Variants in FAM193A observed in about 807,000 individuals in gnomAD.
FAM193A encodes family with sequence similarity 193 member A.
FAM193A carries 22 observed loss-of-function variants against 126.5 expected under a neutral mutation model. That is an observed-to-expected ratio of 0.17 (90% CI 0.12 to 0.25). The LOEUF (loss-of-function observed/expected upper bound fraction) is 0.25, where lower values mean the gene tolerates loss of function less well. FAM193A is among the 10% of genes least tolerant of loss of function. The pLI, the probability that FAM193A is intolerant of heterozygous loss-of-function variation, is 1.00. For synonymous variants in FAM193A, 761 were observed against 646.8 expected, an observed-to-expected ratio of 1.18 and a Z score of -2.68; for missense variants, 1,675 against 1,672.8, an observed-to-expected ratio of 1.00 and a Z score of -0.02.
chr4:2,590,463 CAAAAAA>C (rs774897240), intron 1 of FAM193A, among the ~76,000 whole-genome samples: 5 of 13,574 alleles, frequency 3.7e-4, no homozygotes, highest in African/African-American at 8.3e-4. Flanking sequence ...GACTCCATCT[CAAAAAA>C]AAAAAACAAA....
At chr4:2,593,933 T>C (rs1028704818) in intron 1 of FAM193A, among the ~76,000 whole-genome samples, 3 of 152,014 alleles carry the variant, frequency 2.0e-5, no homozygotes, top group Non-Finnish European at 4.4e-5. Context: ...AATACATGGA[T>C]TCTCATGGTA....
intron 2 of FAM193A, among the ~76,000 whole-genome samples, chr4:2,613,441 G>A (rs920116408): frequency 4.4e-5 from 6 of 134,892 alleles, no homozygotes; most frequent in Non-Finnish European, 7.9e-5. Context: ...TTAGTTCTAT[G>A]GGCCTTTTGG....
chr4:2,646,065 A>G (rs1185125315), intron 6 of FAM193A, among the ~76,000 whole-genome samples: 1 of 145,034 alleles, frequency 6.9e-6, no homozygotes, highest in Non-Finnish European at 1.5e-5. Context: ...GCAATTCCAT[A>G]TTTGGTAAAC....
At chr4:2,570,620 C>G (rs943540703) in intron 1 of FAM193A, among the ~76,000 whole-genome samples, 1 of 152,150 alleles carries the variant, frequency 6.6e-6, no homozygotes, top group Non-Finnish European at 1.5e-5. Context: ...GAACTCATTT[C>G]TCCCCATCAT....
At chr4:2,598,376 T>G (rs1740992499) in intron 2 of FAM193A, among the ~76,000 whole-genome samples, 1 of 152,268 alleles carries the variant, frequency 6.6e-6, no homozygotes, top group South Asian at 2.1e-4. Flanking sequence ...GATGTTTGTG[T>G]TGTTCCCACG....
intron 13 of FAM193A, among the ~76,000 whole-genome samples, chr4:2,680,669 T>C (rs1409087453): frequency 1.3e-5 from 2 of 150,542 alleles, no homozygotes; most frequent in Non-Finnish European, 2.9e-5. Context: ...TGAGACGGAG[T>C]CTTGCTTTGT....
chr4:2,641,311 T>G (rs570979299), intron 6 of FAM193A, among the ~76,000 whole-genome samples: 48 of 151,728 alleles, frequency 3.2e-4, no homozygotes, highest in African/African-American at 1.1e-3. Flanking sequence ...CCTCCCAAAG[T>G]GCTAGGATTA....
chr4:2,632,998 C>T (rs1341516138), intron 5 of FAM193A, among the ~76,000 whole-genome samples: 2 of 152,224 alleles, frequency 1.3e-5, no homozygotes, highest in Admixed American at 6.5e-5. Flanking sequence ...GAGGTCTGCA[C>T]CTCCTCAGAT....
intron 20 of FAM193A, among the ~76,000 whole-genome samples, chr4:2,731,103 G>A (rs889867138): frequency 2.0e-5 from 3 of 150,736 alleles, no homozygotes; most frequent in Admixed American, 1.3e-4. Flanking sequence ...GGCTGAGGCA[G>A]GAGAATCACT....
intron 13 of FAM193A, among the ~76,000 whole-genome samples, chr4:2,684,650 C>G (rs1055395320): frequency 6.6e-6 from 1 of 152,200 alleles, no homozygotes; most frequent in Non-Finnish European, 1.5e-5. Context: ...GATGCGAGAG[C>G]TGCCTGAGAC....
intron 7 of FAM193A, among the ~76,000 whole-genome samples, chr4:2,647,086 C>CG: frequency 6.6e-6 from 1 of 152,328 alleles, no homozygotes; most frequent in African/African-American, 2.4e-5. Flanking sequence ...TTTTCCTTGG[C>CG]CTGGGCACAC....
intron 19 of FAM193A, among the ~76,000 whole-genome samples, chr4:2,703,673 G>T (rs1717986911): frequency 1.3e-5 from 2 of 149,160 alleles, no homozygotes; most frequent in African/African-American, 2.5e-5. Flanking sequence ...GGGTCAAAAG[G>T]TAAGTGTGTT....
intron 17 of FAM193A, 141 bp from the exon 18 acceptor site, chr4:2,696,222 G>T (rs1044499863): frequency 3.3e-6 from 2 of 614,442 alleles, no homozygotes; most frequent in Non-Finnish European, 5.5e-6. Flanking sequence ...CTCTTTTTCT[G>T]CTGGTTGTTG....
chr4:2,590,620 C>T (rs577528754), intron 1 of FAM193A, among the ~76,000 whole-genome samples: 11 of 151,804 alleles, frequency 7.2e-5, no homozygotes, highest in African/African-American at 2.7e-4. Flanking sequence ...ATTTACTGGG[C>T]GCCTACTGGT....
chr4:2,550,946 G>A (rs1291471608), intron 1 of FAM193A, among the ~76,000 whole-genome samples: 4 of 151,814 alleles, frequency 2.6e-5, no homozygotes, highest in African/African-American at 4.8e-5. Context: ...GACTGCAGGC[G>A]TCCGCCACCA....
intron 7 of FAM193A, among the ~76,000 whole-genome samples, chr4:2,647,784 G>C (rs1745297945): frequency 6.6e-6 from 1 of 152,196 alleles, no homozygotes; most frequent in African/African-American, 2.4e-5. Context: ...GTGAGCAAGG[G>C]TAAAGAAGGA....
intron 5 of FAM193A, among the ~76,000 whole-genome samples, chr4:2,633,400 C>A (rs1387842954): frequency 6.6e-6 from 1 of 151,148 alleles, no homozygotes; most frequent in African/African-American, 2.4e-5. Context: ...CTCTGTCTCA[C>A]ACACAAAACA....
At chr4:2,544,782 T>C (rs1271069503) in intron 1 of FAM193A, among the ~76,000 whole-genome samples, 1 of 151,972 alleles carries the variant, frequency 6.6e-6, no homozygotes, top group African/African-American at 2.4e-5. Flanking sequence ...GGCTAGAGAA[T>C]TGCTTGAGCT....
At chr4:2,608,255 T>C (rs1741659303) in intron 2 of FAM193A, 1 of 776,188 alleles carries the variant, frequency 1.3e-6, no homozygotes, top group East Asian at 2.9e-5. Flanking sequence ...CCTGATTCTC[T>C]GCAGCCTTCA....
Sources: allele counts gnomAD v4.1 joint callset (sites outside exome capture counted in the v4.1 genomes callset), GRCh38; gene constraint gnomAD v4.1.1; transcripts MANE v1.5; gene names NCBI Gene and HGNC (gene_info 2026-07-23, HGNC 2026-07-21).